Variants in AHNAK2 observed in about 807,000 individuals in gnomAD.
AHNAK2 encodes the protein protein AHNAK2.
Under a neutral mutation model 30.7 loss-of-function variants are expected in AHNAK2, and 18 were observed. That is an observed-to-expected ratio of 0.59 (90% confidence interval 0.41 to 0.87). The LOEUF (loss-of-function observed/expected upper bound fraction) is 0.87. AHNAK2 is among the 40% of genes least tolerant of loss of function. AHNAK2 has a pLI of 0.00. For synonymous variants in AHNAK2, 3,590 were observed against 3,073.8 expected, an observed-to-expected ratio of 1.17 and a Z score of -5.56; for missense variants, 8,604 against 7,373.0, an observed-to-expected ratio of 1.17 and a Z score of -6.11.
Position 104,940,045 on chromosome 14 carries a change from A to C in AHNAK2, c.15406T>G (p.Cys5136Gly). ...DLSTEGDSRG[C>G]GLGDVPVSQP... The stretch of plus-strand genomic sequence containing the variant: ...CTCACTGGGACATCCCCGAGCCCAC[A>C]TCCTCTGCTGTCACCTTCGGTAGAC... The change falls in exon 7 of 7, where the codon TGT becomes GGT. Residue 5136 changes from cysteine to glycine, a missense_variant. Coordinates refer to ENST00000333244, the MANE Select transcript of AHNAK2 (RefSeq NM_138420.4). The surrounding 1 kb of genome is among the most constrained non-coding windows in gnomAD (Gnocchi z 4.4). 6.2e-7 allele frequency: 1 copy of C among 1,609,338 alleles called. No individual in the cohort carries two copies. Among genetic ancestry groups the C allele is most frequent in the African/African-American group, 1.3e-5 (1 of 74,956 alleles).
At position 104,952,074 on chromosome 14, in the gene AHNAK2, A is replaced by G. The variant is rs768692995; in HGVS notation, c.3377T>C (p.Leu1126Pro). 1 of 1,612,662 alleles carries G rather than the reference A, an allele frequency of 6.2e-7. No individual in the cohort carries two copies. The highest frequency in any genetic ancestry group is 8.5e-7 in the Non-Finnish European group (1 of 1,179,526). ...EVTAPDVEVS[L>P]PSVEVDVEAP... ...CTCGACGTCCACCTCCACGCTGGGC[A>G]GAGACACCTCCACATCAGGGGCTGT... The change falls in exon 7 of 7, where the codon CTG becomes CCG. Residue 1126 changes from leucine (L) to proline (P), a missense_variant. Transcript: ENST00000333244.
At chr14:104,965,272 G>A (rs780659752) in intron 1 of AHNAK2, among the ~76,000 whole-genome samples, 18 of 151,800 alleles carry the variant, frequency 1.2e-4, no homozygotes, top group Non-Finnish European at 2.6e-4. Context: ...ATGGTGGCAG[G>A]CGCCTGTAAT....
At position 104,950,559 on chromosome 14, in the gene AHNAK2, G is replaced by C. The variant is rs748013805; in HGVS notation, c.4892C>G (p.Pro1631Arg). 87 of 1,586,872 alleles carry C rather than the reference G, an allele frequency of 5.5e-5. 10 individuals carry two copies. The Middle Eastern group carries it at 1.2e-3, about 21-fold the overall frequency. The change falls in exon 7 of 7, where the codon CCG (proline) becomes CGG (arginine). Residue 1631 changes from proline to arginine, a missense_variant. By Grantham distance (103) the Pro-to-Arg change is moderately radical (BLOSUM62 -2). Transcript: ENST00000333244. ...CTGCGCACCATCCAGCTTTGCTCTC[G>C]GGGCCTGGACGTCCACCTCCATGCT... ...LSSMEVDVQA[P>R]RAKLDGAQLE...
Position 104,950,978 on chromosome 14 carries a change from G to C in AHNAK2, c.4473C>G (p.Ser1491Arg). The part of the protein sequence containing the change: ...LADKDLTTKD[S>R]KFKMPKFKMP... ...TCTTGAACTTGGGCATTTTGAACTTGCTGTCTTTGGTAGTCAAGTCCTTGT... is the reference window on the plus strand; with the variant it reads ...TCTTGAACTTGGGCATTTTGAACTTCCTGTCTTTGGTAGTCAAGTCCTTGT... Residue 1491 changes from serine to arginine, a missense_variant, in exon 7 of 7, where the codon AGC (serine) becomes AGG (arginine). Ser to Arg is a moderately radical substitution (Grantham distance 110). Coordinates refer to ENST00000333244, the MANE Select transcript of AHNAK2 (RefSeq NM_138420.4). 9.2e-7 allele frequency: 1 copy of C among 1,089,222 alleles called. No individual in the cohort carries two copies. The highest frequency in any genetic ancestry group is 1.3e-6 in the Non-Finnish European group (1 of 750,912). The allele number at this position is 1,089,222 out of a possible 1,614,324, so 67.5% of individuals were successfully genotyped here. A position where few individuals can be genotyped will look rare whatever the true frequency, so the allele number is the denominator to read the frequency against.
chr14:104,965,069 TTC>T lies in AHNAK2; in HGVS notation c.56-7399_56-7398del, dbSNP rs543268308. 7.6e-3 allele frequency among the ~76,000 whole-genome samples: 1,156 copies of T among 152,344 alleles called. 16 individuals are homozygous for T. The highest frequency in any genetic ancestry group is 0.027 in the African/African-American group (1,109 of 41,574). ...CTTTATTACACTCTTTTGCAATTGT[TTC>T]TTTTAGCTCATCAGCTATCATTAGT... On this transcript the variant is annotated intron_variant, in intron 1 of 6. Transcript: ENST00000333244.
At position 104,955,691 on chromosome 14, in the gene AHNAK2, C is replaced by T. The variant is rs1898953408; in HGVS notation, c.316-58G>A. On this transcript the variant is annotated intron_variant, in intron 4 of 6. Transcript: ENST00000333244. The stretch of plus-strand genomic sequence containing the variant: ...CATGTGCCAGTCCCACCATAAGCAT[C>T]CCTGCTGGGGCCTGTGTCTCCAGAG... The T allele has an allele frequency of 2.3e-5, 36 of 1,581,438 alleles. No homozygotes were observed. The South Asian group carries it at 4.2e-4, about 18-fold the overall frequency.
chr14:104,944,166 A>G lies in AHNAK2; in HGVS notation c.11285T>C (p.Val3762Ala), dbSNP rs1566901670. The G allele has an allele frequency of 6.2e-7, 1 of 1,613,170 alleles. No homozygotes were observed. The highest frequency in any genetic ancestry group is 1.7e-5 in the Admixed American group (1 of 59,958). Reference protein sequence around the residue: ...VSKAEVTAPDVEVSLPSVEVD... With the variant: ...VSKAEVTAPDAEVSLPSVEVD... ...CTCCACGCTGGGCAGAGACACCTCC[A>G]CATCAGGGGCTGTGACTTCCGCCTT... is the stretch of plus-strand genomic sequence containing the variant. The change falls in exon 7 of 7, where the codon GTG (valine) becomes GCG (alanine). Residue 3762 changes from valine (V) to alanine (A), a missense_variant. Physicochemically the swap from Val to Ala is moderately conservative, Grantham distance 64 (BLOSUM62 0). Transcript: ENST00000333244.
Position 104,945,290 on chromosome 14 carries a change from G to T in AHNAK2, c.10161C>A (p.Leu3387=). The T allele has an allele frequency of 6.2e-7, 1 of 1,613,012 alleles. No individual in the cohort carries two copies. The highest frequency in any genetic ancestry group is 1.1e-5 in the South Asian group (1 of 91,052). The change falls in exon 7 of 7, where the codon CTC becomes CTA. Residue 3387 remains leucine, a synonymous_variant. Coordinates refer to ENST00000333244, the MANE Select transcript of AHNAK2 (RefSeq NM_138420.4). ...PEGHVPEGAG[L]KGHLPKVEMP... ...TCTCCACCTTGGGCAGGTGCCCTTT[G>T]AGGCCAGCTCCCTCGGGCACGTGGC...
chr14:104,950,554 C>T lies in AHNAK2; in HGVS notation c.4897G>A (p.Ala1633Thr), dbSNP rs1898630639. The change falls in exon 7 of 7, where the codon GCA becomes ACA. Residue 1633 changes from alanine (A) to threonine (T), a missense_variant. By Grantham distance (58) the Ala-to-Thr change is moderately conservative (BLOSUM62 0). Transcript: ENST00000333244. ...TCCAGCTGCGCACCATCCAGCTTTG[C>T]TCTCGGGGCCTGGACGTCCACCTCC... ...SMEVDVQAPR[A>T]KLDGAQLEGD... The T allele has an allele frequency of 6.3e-7, 1 of 1,587,162 alleles. No homozygotes were observed. The highest frequency in any genetic ancestry group is 1.7e-5 in the Admixed American group (1 of 57,492).
At position 104,952,805 on chromosome 14, in the gene AHNAK2, G is replaced by A. The variant is rs1159295982; in HGVS notation, c.2646C>T (p.Ser882=). 1 of 1,612,480 alleles carries A rather than the reference G, an allele frequency of 6.2e-7. No individual in the cohort carries two copies. The highest frequency in any genetic ancestry group is 2.2e-5 in the East Asian group (1 of 44,714). Residue 882 remains serine, a synonymous_variant, in exon 7 of 7, where the codon AGC becomes AGT. Transcript: ENST00000333244. ...CCAGGTCAGCGGAAGGGGGCTGAAT[G>A]CTGAGGTCAGTGGCCTTGAGGTCCC... ...MQGDLKATDL[S]IQPPSADLEV... is the part of the protein sequence containing the mutation.
At chr14:104,960,914 T>C (rs1899116258) in intron 1 of AHNAK2, among the ~76,000 whole-genome samples, 1 of 147,706 alleles carries the variant, frequency 6.8e-6, no homozygotes, top group Non-Finnish European at 1.5e-5. Flanking sequence ...GGCAGATCAC[T>C]TGAGGCCAGG....
intron 4 of AHNAK2, among the ~76,000 whole-genome samples, chr14:104,955,983 C>T (rs1898963539): frequency 6.6e-6 from 1 of 152,172 alleles, no homozygotes; most frequent in African/African-American, 2.4e-5. Context: ...GCATTCTTCA[C>T]AAACGCGTGA....
rs1342107377 is a variant in AHNAK2 at position 104,942,415 on chromosome 14, G to T, written c.13036C>A (p.Leu4346Ile). The T allele has an allele frequency of 1.9e-6, 3 of 1,613,118 alleles. No homozygotes were observed. The highest frequency in any genetic ancestry group is 2.7e-5 in the African/African-American group (2 of 74,832). The change falls in exon 7 of 7, where the codon CTC becomes ATC. Residue 4346 changes from leucine to isoleucine, a missense_variant. Coordinates refer to ENST00000333244, the MANE Select transcript of AHNAK2 (RefSeq NM_138420.4). Reference protein sequence around the residue: ...SMQGDLKTTHLSIQPPSADLE... With the variant: ...SMQGDLKTTHISIQPPSADLE... ...TCAGCGGAAGGGGGCTGAATGCTGAGGTGAGTGGTCTTCAGGTCCCCCTGC... is the reference window on the plus strand; with the variant it reads ...TCAGCGGAAGGGGGCTGAATGCTGATGTGAGTGGTCTTCAGGTCCCCCTGC...
At chr14:104,975,151 G>A (rs1048236844) in intron 1 of AHNAK2, among the ~76,000 whole-genome samples, 6 of 152,326 alleles carry the variant, frequency 3.9e-5, no homozygotes, top group South Asian at 2.1e-4. Flanking sequence ...CAGCCACGAC[G>A]AGCCCGGATG....
chr14:104,970,371 C>A (rs550982226), intron 1 of AHNAK2: 16 of 965,126 alleles, frequency 1.7e-5, no homozygotes, highest in East Asian at 1.2e-4. Context: ...CTCCAGCCCC[C>A]CTTGCTGGTG....
At position 104,937,605 on chromosome 14, in the gene AHNAK2, T is replaced by C. The variant is rs1226270451; in HGVS notation, c.*458A>G. On this transcript the variant is annotated 3_prime_UTR_variant, in exon 7 of 7. Transcript: ENST00000333244. ...GTGTTTCCTGGAATATACCGCACTC[T>C]GCCTGAAATAGGAAAACTATGTTTG... The C allele has an allele frequency of 6.3e-6, 1 of 158,202 alleles. No individual in the cohort carries two copies. The highest frequency in any genetic ancestry group is 2.4e-5 in the African/African-American group (1 of 41,646). 9.8% of individuals were successfully genotyped at this position (158,202 alleles called of 1,614,324 possible). A position where few individuals can be genotyped will look rare whatever the true frequency, so the allele number is the denominator to read the frequency against.
At position 104,954,857 on chromosome 14, in the gene AHNAK2, C is replaced by A; in HGVS notation, c.652-58G>T. ...CAGTCCAAGAAGCCTGGGGCCCTGG[C>A]CCAGGGACAGATGGAGTGGGAGTGC... On this transcript the variant is annotated intron_variant, in intron 6 of 6. Coordinates refer to ENST00000333244, the MANE Select transcript of AHNAK2 (RefSeq NM_138420.4). The surrounding 1 kb of genome is among the most constrained non-coding windows in gnomAD (Gnocchi z 4.3). 1 of 1,538,140 alleles carries A rather than the reference C, an allele frequency of 6.5e-7. No homozygotes were observed. The highest frequency in any genetic ancestry group is 8.7e-7 in the Non-Finnish European group (1 of 1,145,348).
At position 104,941,801 on chromosome 14, in the gene AHNAK2, C is replaced by A. The variant is rs888311487; in HGVS notation, c.13650G>T (p.Glu4550Asp). The change falls in exon 7 of 7, where the codon GAG (glutamate) becomes GAT (aspartate). Residue 4550 changes from glutamate to aspartate, a missense_variant. By Grantham distance (45) the Glu-to-Asp change is conservative. Transcript: ENST00000333244. ...CTTTGGGCATCTTGAAACTGGGCAT[C>A]TCCACCTTGGGCAGGTGCCCTTTGA... is the stretch of plus-strand genomic sequence containing the variant. ...AGLKGHLPKVEMPSFKMPKVD... is the reference protein window; with the variant it reads ...AGLKGHLPKVDMPSFKMPKVD... 1 of 1,613,552 alleles carries A rather than the reference C, an allele frequency of 6.2e-7. No individual in the cohort carries two copies. The highest frequency in any genetic ancestry group is 8.5e-7 in the Non-Finnish European group (1 of 1,179,738).
In AHNAK2 at chr14:104,947,896, G is replaced by A. The variant is rs762944772; in HGVS notation, c.7555C>T (p.Leu2519Phe). Residue 2519 changes from leucine (L) to phenylalanine (F), a missense_variant, in exon 7 of 7, where the codon CTC becomes TTC. Transcript: ENST00000333244. ...SAPKVEADGS[L>F]SSMQGDLKAT... ...TTGAGGTCCCCCTGCATGGAGGAGA[G>A]GCTCCCGTCGGCCTCCACCTTCGGC... The A allele has an allele frequency of 3.5e-5, 57 of 1,612,632 alleles. No homozygotes were observed. In the East Asian group the frequency reaches 1.2e-3, roughly 34 times the overall value.
Sources: allele counts gnomAD v4.1 joint callset (sites outside exome capture counted in the v4.1 genomes callset), GRCh38; gene constraint gnomAD v4.1.1; non-coding constraint Gnocchi (gnomAD v3.1); transcripts MANE v1.5; gene names NCBI Gene and HGNC (gene_info 2026-07-23, HGNC 2026-07-21).